Variants in MAST4 observed in about 807,000 individuals in gnomAD.
The protein encoded by MAST4 is microtubule-associated serine/threonine-protein kinase 4.
Under a neutral mutation model 162.7 loss-of-function variants are expected in MAST4, and 89 were observed. The observed-to-expected ratio is 0.55, with a 90% confidence interval of 0.46 to 0.65. MAST4 has a LOEUF of 0.65. MAST4 is among the 30% of genes least tolerant of loss of function. MAST4 has a pLI of 0.00. For missense variants in MAST4, 3,153 were observed against 3,374.0 expected, an observed-to-expected ratio of 0.93 and a Z score of 1.62; for synonymous variants, 1,479 against 1,361.1, an observed-to-expected ratio of 1.09 and a Z score of -1.91.
At chr5:67,136,754 T>C (rs928862176) in intron 19 of MAST4, 90 bp downstream of exon 19, 10 of 931,058 alleles carry the variant, frequency 1.1e-5, no homozygotes, top group Middle Eastern at 2.1e-4. Context: ...TTTTGCTTTT[T>C]GCATAGGCAA....
intron 1 of MAST4, among the ~76,000 whole-genome samples, chr5:66,715,576 C>T (rs917094240): frequency 1.3e-4 from 20 of 149,932 alleles, no homozygotes; most frequent in Non-Finnish European, 2.7e-4. Flanking sequence ...TGCTAAATGA[C>T]GAGTTAATGG....
intron 3 of MAST4, among the ~76,000 whole-genome samples, chr5:66,827,461 T>C (rs530966157): frequency 1.6e-4 from 24 of 152,330 alleles, no homozygotes; most frequent in Admixed American, 3.3e-4. Flanking sequence ...ATGCAATCAA[T>C]TTTCCTCAGT....
Position 67,164,717 on chromosome 5 carries a change from C to T in MAST4, c.5538C>T (p.Ser1846=), listed in dbSNP as rs571015661. 3.7e-6 allele frequency: 6 copies of T among 1,613,998 alleles called. No individual in the cohort carries two copies. In the South Asian group the frequency reaches 5.5e-5, roughly 15 times the overall value. ...RASVPPVLPS[S]SGKKNDTTSA... Reference sequence around the variant, plus strand: ...CTGTGCCACCAGTTCTCCCCAGCAGCAGTGGGAAAAAGAACGATACCACCA... The same window carrying T: ...CTGTGCCACCAGTTCTCCCCAGCAGTAGTGGGAAAAAGAACGATACCACCA... Residue 1846 remains serine, a synonymous_variant, in exon 29 of 29, where the codon AGC becomes AGT. Transcript: ENST00000403625. The surrounding 1 kb of genome is among the most constrained non-coding windows in gnomAD (Gnocchi z 5.3).
In MAST4 at chr5:67,163,560, C is replaced by G. The variant is rs1437614806; in HGVS notation, c.4381C>G (p.Leu1461Val). 3 of 1,595,908 alleles carry G rather than the reference C, an allele frequency of 1.9e-6. No homozygotes were observed. The highest frequency in any genetic ancestry group is 2.6e-6 in the Non-Finnish European group (3 of 1,171,900). The change falls in exon 29 of 29, where the codon CTG becomes GTG. Residue 1461 changes from leucine to valine, a missense_variant. By Grantham distance (32) the Leu-to-Val change is conservative. Coordinates refer to ENST00000403625, the MANE Select transcript of MAST4 (RefSeq NM_001164664.2). This position sits in a 1 kb window ranked among gnomAD's most constrained non-coding sequence, Gnocchi z 7.0. ...SPSYGSDKKH[L>V]CSRKHSLEVT... ...CTCTTACGGCAGTGACAAGAAGCAC[C>G]TGTGCTCCCGCAAGCACAGCCTGGA...
At chr5:67,081,084 T>TTATATAA in intron 5 of MAST4, among the ~76,000 whole-genome samples, 1 of 75,170 alleles carries the variant, frequency 1.3e-5, no homozygotes, top group South Asian at 3.6e-4. Context: ...ATTGTATATA[T>TTATATAA]TATATAATAT....
At chr5:66,912,212 G>C (rs2150018115) in intron 4 of MAST4, among the ~76,000 whole-genome samples, 1 of 152,324 alleles carries the variant, frequency 6.6e-6, no homozygotes, top group East Asian at 1.9e-4. Context: ...CTAGCAGCAG[G>C]ACAAAGTGAG....
chr5:66,994,363 A>G (rs1188934053), intron 4 of MAST4, among the ~76,000 whole-genome samples: 3 of 152,188 alleles, frequency 2.0e-5, no homozygotes, highest in Admixed American at 6.5e-5. Context: ...GCTGCTGTTT[A>G]CATGTCCTCT....
intron 3 of MAST4, among the ~76,000 whole-genome samples, chr5:66,826,942 TAGAA>T (rs1350745716): frequency 2.6e-5 from 4 of 152,184 alleles, no homozygotes; most frequent in Non-Finnish European, 5.9e-5. Context: ...TGACTTGAGA[TAGAA>T]AGCAGGCAAC....
At chr5:66,812,201 C>T (rs536189599) in intron 3 of MAST4, among the ~76,000 whole-genome samples, 3 of 152,214 alleles carry the variant, frequency 2.0e-5, no homozygotes, top group African/African-American at 7.2e-5. Flanking sequence ...CCACACCAGA[C>T]CAGGAAGTAT....
chr5:66,877,853 C>T (rs995037481), intron 3 of MAST4, among the ~76,000 whole-genome samples: 7 of 152,142 alleles, frequency 4.6e-5, no homozygotes, highest in African/African-American at 9.7e-5. Context: ...TGGAAAACAA[C>T]GTCATGAAAA....
At chr5:67,146,360 AG>A (rs1230019058) in intron 23 of MAST4, among the ~76,000 whole-genome samples, 1 of 152,234 alleles carries the variant, frequency 6.6e-6, no homozygotes, top group Non-Finnish European at 1.5e-5. Context: ...CACCAAAACA[AG>A]CCTCTTAAGT....
chr5:66,602,476 A>T (rs115046604), intron 1 of MAST4, among the ~76,000 whole-genome samples: 2,973 of 151,250 alleles, frequency 0.02, 98 homozygotes, highest in African/African-American at 0.068. Flanking sequence ...ATCCACTCAG[A>T]CCTAGTGGAT....
At chr5:66,866,384 T>C (rs1760521980) in intron 3 of MAST4, among the ~76,000 whole-genome samples, 1 of 152,224 alleles carries the variant, frequency 6.6e-6, no homozygotes. Context: ...TAGAAGCCTA[T>C]GATGTCATAA....
At position 67,037,065 on chromosome 5, in the gene MAST4, G is replaced by T. The variant is rs560262321; in HGVS notation, c.675-17339G>T. Among the ~76,000 whole-genome samples the T allele has an allele frequency of 5.1e-4, 77 of 152,236 alleles. 2 individuals are homozygous for T. The South Asian group carries it at 0.016, about 31-fold the overall frequency. ...AACAAAAACCTGCCACATAAAAGAG[G>T]TCGTTAATTCCAGGGTGGTTGTTGA... On this transcript the variant is annotated intron_variant, in intron 4 of 28. Coordinates refer to ENST00000403625, the MANE Select transcript of MAST4 (RefSeq NM_001164664.2).
intron 1 of MAST4, among the ~76,000 whole-genome samples, chr5:66,661,393 T>C (rs1180631919): frequency 6.6e-6 from 1 of 152,214 alleles, no homozygotes; most frequent in Non-Finnish European, 1.5e-5. Flanking sequence ...TCTGCTTGGC[T>C]AAAAGCCCGT....
intron 4 of MAST4, among the ~76,000 whole-genome samples, chr5:66,924,193 T>A (rs1404485836): frequency 1.3e-5 from 2 of 152,166 alleles, no homozygotes; most frequent in Non-Finnish European, 2.9e-5. Flanking sequence ...ATAGCCAATT[T>A]CAGAAGAGTT....
At chr5:67,061,192 C>A (rs1320391103) in intron 5 of MAST4, among the ~76,000 whole-genome samples, 1 of 152,024 alleles carries the variant, frequency 6.6e-6, no homozygotes, top group Non-Finnish European at 1.5e-5. Flanking sequence ...GAACATGTGA[C>A]TGAAATGCCT....
Position 66,971,692 on chromosome 5 carries a change from CT to C in MAST4, c.674+71717del, listed in dbSNP as rs1349751158. Among the ~76,000 whole-genome samples the C allele has an allele frequency of 2.0e-5, 3 of 152,136 alleles. No homozygotes were observed. In the East Asian group the frequency reaches 5.8e-4, roughly 29 times the overall value. On this transcript the variant is annotated intron_variant, in intron 4 of 28. Transcript: ENST00000403625. ...TATTCTATGGAGGCTTAACAGTTAT[CT>C]TTTTTTAGTAGATCTTCTTGAGGTG...
intron 3 of MAST4, among the ~76,000 whole-genome samples, chr5:66,837,880 A>G (rs1561368512): frequency 1.9e-5 from 1 of 51,906 alleles, no homozygotes; most frequent in Non-Finnish European, 3.3e-5. Flanking sequence ...ATATATATAT[A>G]TATATATATA....
Sources: allele counts gnomAD v4.1 joint callset (sites outside exome capture counted in the v4.1 genomes callset), GRCh38; gene constraint gnomAD v4.1.1; non-coding constraint Gnocchi (gnomAD v3.1); transcripts MANE v1.5; gene names NCBI Gene and HGNC (gene_info 2026-07-23, HGNC 2026-07-21).